MNAT1: variants seen among roughly 807,000 people sequenced by gnomAD.
The protein encoded by MNAT1 is CDK-activating kinase assembly factor MAT1.
Under a neutral mutation model 42.0 loss-of-function variants are expected in MNAT1, and 43 were observed. The observed-to-expected ratio is 1.02, with a 90% confidence interval of 0.80 to 1.32. The LOEUF (loss-of-function observed/expected upper bound fraction) is 1.32, where lower values mean the gene tolerates loss of function less well. MNAT1 is among the 40% of genes most tolerant of loss of function. The pLI is 0.00. For missense variants in MNAT1, 306 were observed against 350.4 expected (o/e 0.87, Z 1.01); for synonymous variants, 118 against 120.0 (o/e 0.98, Z 0.11).
At chr14:60,922,189 T>G (rs1448587415) in intron 7 of MNAT1, among the ~76,000 whole-genome samples, 1 of 152,154 alleles carries the variant, frequency 6.6e-6, no homozygotes, top group Non-Finnish European at 1.5e-5. Flanking sequence ...GAAGCAGGTT[T>G]TGGTTAATAG....
intron 6 of MNAT1, among the ~76,000 whole-genome samples, chr14:60,877,869 G>C (rs2034467791): frequency 6.6e-6 from 1 of 151,808 alleles, no homozygotes; most frequent in African/African-American, 2.4e-5. Context: ...AAATAGAGTG[G>C]ATGTTTTCAT....
At chr14:60,813,109 G>A (rs921172721) in intron 5 of MNAT1, among the ~76,000 whole-genome samples, 5 of 152,180 alleles carry the variant, frequency 3.3e-5, no homozygotes, top group African/African-American at 1.2e-4. Context: ...GGGGTTGTGG[G>A]CCCCCTCACC....
At chr14:60,901,573 CCATTAGGAATATTTGTG>C (rs897698780) in intron 7 of MNAT1, among the ~76,000 whole-genome samples, 8 of 152,256 alleles carry the variant, frequency 5.3e-5, no homozygotes, top group African/African-American at 1.7e-4. Context: ...ACTCTAGAAG[CCATTAGGAATATTTGTG>C]CATTAGGAAT....
At chr14:60,934,065 A>T (rs934471470) in intron 7 of MNAT1, among the ~76,000 whole-genome samples, 1 of 152,230 alleles carries the variant, frequency 6.6e-6, no homozygotes, top group African/African-American at 2.4e-5. Context: ...GTAGAGATGT[A>T]CATAAGCTGC....
In MNAT1 at chr14:60,925,028, G is replaced by C. The variant is rs191596241; in HGVS notation, c.810-43201G>C. On this transcript the variant is annotated intron_variant, in intron 7 of 7. Coordinates refer to ENST00000261245, the MANE Select transcript of MNAT1 (RefSeq NM_002431.4). ...CAGCTGAACTCAGATACAGTTGGCT[G>C]TCCATTCATGGGTCCACATCCATAG... 2.0e-3 allele frequency among the ~76,000 whole-genome samples: 304 copies of C among 152,284 alleles called. 1 individual carries two copies. Among genetic ancestry groups the C allele is most frequent in the African/African-American group, 6.5e-3 (269 of 41,560 alleles).
intron 7 of MNAT1, among the ~76,000 whole-genome samples, chr14:60,883,347 T>C (rs1389443651): frequency 6.6e-6 from 1 of 152,156 alleles, no homozygotes; most frequent in Non-Finnish European, 1.5e-5. Flanking sequence ...TTTTCCCAAA[T>C]GTATGGTCTT....
intron 6 of MNAT1, among the ~76,000 whole-genome samples, chr14:60,825,272 G>A (rs1409211950): frequency 6.6e-6 from 1 of 152,158 alleles, no homozygotes; most frequent in African/African-American, 2.4e-5. Flanking sequence ...TGGTTCAAGG[G>A]AAAGGTAAAA....
At chr14:60,764,980 G>C (rs1052619843) in intron 1 of MNAT1, among the ~76,000 whole-genome samples, 5 of 152,238 alleles carry the variant, frequency 3.3e-5, no homozygotes, top group African/African-American at 1.2e-4. Flanking sequence ...GCCAGGCGCG[G>C]TTGCTCATGC....
chr14:60,830,515 A>G (rs1030898258), intron 6 of MNAT1, among the ~76,000 whole-genome samples: 1 of 152,200 alleles, frequency 6.6e-6, no homozygotes, highest in East Asian at 1.9e-4. Flanking sequence ...TCCGGCTGCC[A>G]CAAATGTTTG....
chr14:60,869,040 A>ATATATATATATATATATATATT (rs1465360826), intron 6 of MNAT1, among the ~76,000 whole-genome samples: 30 of 113,012 alleles, frequency 2.7e-4, no homozygotes, highest in South Asian at 5.5e-4. Context: ...ATATATATAT[A>ATATATATATATATATATATATT]TTTTTTTTTT....
chr14:60,818,660 A>C, intron 5 of MNAT1, 62 bp from the exon 6 acceptor site: 1 of 1,386,006 alleles, frequency 7.2e-7, no homozygotes, highest in Non-Finnish European at 9.7e-7. Flanking sequence ...TTAAAATAAA[A>C]GTCTTGTTGT....
At chr14:60,907,276 T>A (rs2035220209) in intron 7 of MNAT1, among the ~76,000 whole-genome samples, 2 of 151,030 alleles carry the variant, frequency 1.3e-5, no homozygotes, top group African/African-American at 4.9e-5. Flanking sequence ...CTACTAAAAA[T>A]ACAAAAATTA....
chr14:60,865,715 A>G (rs1374585200), intron 6 of MNAT1, among the ~76,000 whole-genome samples: 4 of 152,276 alleles, frequency 2.6e-5, no homozygotes, highest in South Asian at 4.1e-4. Flanking sequence ...AACAACAAAA[A>G]CAAACAAAAT....
chr14:60,879,703 T>C lies in MNAT1; in HGVS notation c.688-11T>C. On this transcript the variant is annotated splice_polypyrimidine_tract_variant and intron_variant, in intron 6 of 7. Coordinates refer to ENST00000261245, the MANE Select transcript of MNAT1 (RefSeq NM_002431.4). The stretch of plus-strand genomic sequence containing the variant: ...AATAAGAGGTATTAAGTTCCTTCAT[T>C]TTTCTAACAGGGTCAACATATTTCA... 9 of 1,605,300 alleles carry C rather than the reference T, an allele frequency of 5.6e-6. No individual in the cohort carries two copies. Among genetic ancestry groups the C allele is most frequent in the Non-Finnish European group, 7.6e-6 (9 of 1,176,828 alleles).
intron 1 of MNAT1, among the ~76,000 whole-genome samples, chr14:60,764,838 G>A (rs528642900): frequency 9.9e-5 from 15 of 152,198 alleles, no homozygotes; most frequent in Non-Finnish European, 1.9e-4. Flanking sequence ...GTGTAAGTAG[G>A]AGTAAGCTGT....
At chr14:60,791,000 C>G (rs1332757447) in intron 1 of MNAT1, among the ~76,000 whole-genome samples, 19 of 152,124 alleles carry the variant, frequency 1.2e-4, no homozygotes, top group Admixed American at 1.2e-3. Context: ...ATTCCATGGT[C>G]CTTGCTGTCT....
intron 6 of MNAT1, among the ~76,000 whole-genome samples, chr14:60,834,447 T>C (rs2033317829): frequency 6.6e-6 from 1 of 152,246 alleles, no homozygotes; most frequent in African/African-American, 2.4e-5. Context: ...GGTTGTTCAA[T>C]TTCCATGTAG....
intron 6 of MNAT1, among the ~76,000 whole-genome samples, chr14:60,819,438 T>G (rs925434877): frequency 6.6e-6 from 1 of 151,942 alleles, no homozygotes; most frequent in South Asian, 2.1e-4. Flanking sequence ...AACTTTAACA[T>G]GTGTTTAATA....
intron 6 of MNAT1, among the ~76,000 whole-genome samples, chr14:60,848,114 C>T (rs977105598): frequency 1.3e-5 from 2 of 152,078 alleles, no homozygotes; most frequent in Non-Finnish European, 2.9e-5. Context: ...TTTACAGATT[C>T]CTCAGTCTTT....
Sources: allele counts gnomAD v4.1 joint callset (sites outside exome capture counted in the v4.1 genomes callset), GRCh38; gene constraint gnomAD v4.1.1; transcripts MANE v1.5; gene names NCBI Gene and HGNC (gene_info 2026-07-23, HGNC 2026-07-21).